The following USP1 variants were observed in gnomAD, a reference collection of about 807,000 sequenced individuals.
USP1 encodes the protein ubiquitin specific peptidase 1.
USP1 carries 18 observed loss-of-function variants against 72.2 expected under a neutral mutation model. The ratio of observed to expected loss-of-function variants is 0.25; its 90% CI spans 0.17 to 0.37. The LOEUF (loss-of-function observed/expected upper bound fraction) is 0.37. USP1 is among the 10% of genes least tolerant of loss of function. The probability of loss-of-function intolerance (pLI) is 1.00; values close to 1 mark genes in which losing one functional copy is unlikely to be tolerated. For missense variants in USP1, 759 were observed against 884.9 expected (o/e 0.86, Z 1.81); for synonymous variants, 354 against 303.7 (o/e 1.17, Z -1.72).
intron 8 of USP1, 65 bp downstream of exon 8, chr1:62,448,731 A>G (rs1205386313): frequency 1.3e-6 from 2 of 1,484,744 alleles, no homozygotes; most frequent in Non-Finnish European, 1.9e-6. Flanking sequence ...GTCTTGTTCA[A>G]AATGCTGTAA....
intron 4 of USP1, among the ~76,000 whole-genome samples, chr1:62,442,582 A>C (rs1246424910): frequency 2.0e-5 from 3 of 152,194 alleles, no homozygotes; most frequent in African/African-American, 7.2e-5. Flanking sequence ...TGTACAACTT[A>C]TTTACCCATT....
chr1:62,446,247 A>T (rs534177750), intron 6 of USP1, among the ~76,000 whole-genome samples: 1 of 152,316 alleles, frequency 6.6e-6, no homozygotes, highest in South Asian at 2.1e-4. Flanking sequence ...TATATGGTAT[A>T]GACCAGGGTA....
intron 2 of USP1, 46 bp downstream of exon 2, chr1:62,440,083 A>C (rs969016844): frequency 3.6e-6 from 5 of 1,373,200 alleles, no homozygotes; most frequent in Non-Finnish European, 4.7e-6. Flanking sequence ...ACAGTAAAGC[A>C]GCAGTGAACT....
At chr1:62,442,482 C>G (rs1191811089) in intron 4 of USP1, among the ~76,000 whole-genome samples, 183 bp downstream of exon 4, 1 of 152,026 alleles carries the variant, frequency 6.6e-6, no homozygotes, top group African/African-American at 2.4e-5. Flanking sequence ...TTCCCTTTTA[C>G]AATGTTTGCT....
intron 1 of USP1, among the ~76,000 whole-genome samples, chr1:62,439,337 A>G (rs1180939065): frequency 1.3e-5 from 2 of 152,150 alleles, no homozygotes; most frequent in Non-Finnish European, 2.9e-5. Context: ...GGCGCCCGCC[A>G]GCACGCCCGG....
At position 62,446,220 on chromosome 1, in the gene USP1, G is replaced by GTA. The variant is rs1557557007; in HGVS notation, c.1249+792_1249+793dup. Among the ~76,000 whole-genome samples, 37 of 152,128 alleles carry GTA rather than the reference G, an allele frequency of 2.4e-4. No homozygotes were observed. In the East Asian group the frequency reaches 6.8e-3, roughly 28 times the overall value. ...TACTTACACAACTAGATGCTAGAGC[G>GTA]TACTACACAACTAGCCTATATGGTA... On this transcript the variant is annotated intron_variant, in intron 6 of 8. Coordinates refer to ENST00000339950, the MANE Select transcript of USP1 (RefSeq NM_003368.5).
At chr1:62,439,175 T>C (rs1206490280) in intron 1 of USP1, among the ~76,000 whole-genome samples, 1 of 152,196 alleles carries the variant, frequency 6.6e-6, no homozygotes, top group Non-Finnish European at 1.5e-5. Context: ...TGAATCATTA[T>C]AATGAAATAT....
chr1:62,447,364 C>T lies in USP1; in HGVS notation c.1273C>T (p.Leu425=), dbSNP rs756288643. The T allele has an allele frequency of 1.2e-6, 2 of 1,613,500 alleles. No individual in the cohort carries two copies. The highest frequency in any genetic ancestry group is 1.7e-6 in the Non-Finnish European group (2 of 1,179,806). The change falls in exon 7 of 9, where the codon CTA becomes TTA. Residue 425 remains leucine (L), a synonymous_variant. Transcript: ENST00000339950. ...AGGTGAAGAACAAATTGGTTTTGAG[C>T]TAGTGGAGAAATTATTTCAAGGTCA... is the stretch of plus-strand genomic sequence containing the variant. ...NKGEEQIGFE[L]VEKLFQGQLV... is the part of the protein sequence containing the mutation.
At chr1:62,448,171 C>G (rs1400384320) in intron 7 of USP1, among the ~76,000 whole-genome samples, 4 of 152,160 alleles carry the variant, frequency 2.6e-5, no homozygotes, top group African/African-American at 9.7e-5. Flanking sequence ...AGGAAATAAT[C>G]ATGAGACAGG....
intron 8 of USP1, among the ~76,000 whole-genome samples, chr1:62,449,502 G>A (rs1645198826): frequency 6.6e-6 from 1 of 152,138 alleles, no homozygotes; most frequent in South Asian, 2.1e-4. Flanking sequence ...TCTCACACTT[G>A]ATTATGTCAA....
In USP1 at chr1:62,445,331, A is replaced by C. The variant is rs1032907786; in HGVS notation, c.1151A>C (p.Lys384Thr). 6.2e-7 allele frequency: 1 copy of C among 1,613,294 alleles called. No individual in the cohort carries two copies. The highest frequency in any genetic ancestry group is 8.5e-7 in the Non-Finnish European group (1 of 1,179,758). Residue 384 changes from lysine (K) to threonine (T), a missense_variant, in exon 6 of 9, where the codon AAG (lysine) becomes ACG (threonine). Coordinates refer to ENST00000339950, the MANE Select transcript of USP1 (RefSeq NM_003368.5). Reference sequence around the variant, plus strand: ...TGTGATCCTGAAGAGGACTTGGGGAAGTGTGAAAGTGATAACACAACTAAT... The same window carrying C: ...TGTGATCCTGAAGAGGACTTGGGGACGTGTGAAAGTGATAACACAACTAAT... ...NECDPEEDLG[K>T]CESDNTTNGC...
chr1:62,437,171 C>G lies in USP1; in HGVS notation c.-299C>G. 5.0e-6 allele frequency: 2 copies of G among 398,976 alleles called. No individual in the cohort carries two copies. Among genetic ancestry groups the G allele is most frequent in the Non-Finnish European group, 8.8e-6 (2 of 226,092 alleles). The allele number at this position is 398,976 out of a possible 1,614,324, so 24.7% of individuals were successfully genotyped here. A position where few individuals can be genotyped will look rare whatever the true frequency, so the allele number is the denominator to read the frequency against. On this transcript the variant is annotated 5_prime_UTR_variant, in exon 1 of 9. Transcript: ENST00000339950. The stretch of plus-strand genomic sequence containing the variant: ...TCCCGGGGCGGGCGCAGATGGGCGC[C>G]GCTCCCGGGATGTAGTTGGTGTTGG...
chr1:62,445,112 T>C lies in USP1; in HGVS notation c.932T>C (p.Leu311Ser). Residue 311 changes from leucine (L) to serine (S), a missense_variant, in exon 6 of 9, where the codon TTA becomes TCA. Coordinates refer to ENST00000339950, the MANE Select transcript of USP1 (RefSeq NM_003368.5). ...AAAAGAAAAGCTACAAGTGATACAT[T>C]AGAGAGTCCTCCTAAAATAATTCCC... ...RSKRKATSDT[L>S]ESPPKIIPKY... 1 of 1,613,440 alleles carries C rather than the reference T, an allele frequency of 6.2e-7. No individual in the cohort carries two copies. The highest frequency in any genetic ancestry group is 8.5e-7 in the Non-Finnish European group (1 of 1,179,870).
chr1:62,444,857 T>C lies in USP1; in HGVS notation c.677T>C (p.Val226Ala). The C allele has an allele frequency of 3.1e-6, 5 of 1,613,342 alleles. No homozygotes were observed. The South Asian group carries it at 5.5e-5, about 18-fold the overall frequency. Residue 226 changes from valine (V) to alanine (A), a missense_variant, in exon 6 of 9, where the codon GTG becomes GCG. Coordinates refer to ENST00000339950, the MANE Select transcript of USP1 (RefSeq NM_003368.5). Reference sequence around the variant, plus strand: ...CTAAAAAAAGAAGAAGTAAAAAATGTGGCAGAATTACCTACTAAGGTAGAA... The same window carrying C: ...CTAAAAAAAGAAGAAGTAAAAAATGCGGCAGAATTACCTACTAAGGTAGAA... ...QLLKKEEVKNVAELPTKVEEI... is the reference protein window; with the variant it reads ...QLLKKEEVKNAAELPTKVEEI...
chr1:62,446,395 T>A (rs1337950823), intron 6 of USP1, among the ~76,000 whole-genome samples: 1 of 152,132 alleles, frequency 6.6e-6, no homozygotes, highest in Admixed American at 6.5e-5. Flanking sequence ...AGTTTATGAA[T>A]TTGTTACGGG....
At chr1:62,446,343 C>CA (rs762792264) in intron 6 of USP1, among the ~76,000 whole-genome samples, 6,519 of 128,836 alleles carry the variant, frequency 0.051, 382 homozygotes, top group African/African-American at 0.14. Flanking sequence ...GCTGATGAGC[C>CA]AAAAAAAAAA....
In USP1 at chr1:62,450,057, ATT is replaced by A. The variant is rs534097124; in HGVS notation, c.1623-183_1623-182del. 6.6e-4 allele frequency among the ~76,000 whole-genome samples: 101 copies of A among 152,168 alleles called. 1 individual carries two copies. In the South Asian group the frequency reaches 0.02, roughly 30 times the overall value. ...AATGCCTGAATATTAGCAGTTATTTATTTTTTTGTTTCTGCATATATTATAAA... is the reference window on the plus strand; with the variant it reads ...AATGCCTGAATATTAGCAGTTATTTATTTTTGTTTCTGCATATATTATAAA... On this transcript the variant is annotated intron_variant, in intron 8 of 8. Transcript: ENST00000339950.
At position 62,450,237 on chromosome 1, in the gene USP1, C is replaced by T. The variant is rs766421735; in HGVS notation, c.1623-9C>T. 5.7e-6 allele frequency: 9 copies of T among 1,578,072 alleles called. No individual in the cohort carries two copies. Among genetic ancestry groups the T allele is most frequent in the Middle Eastern group, 1.7e-4 (1 of 5,834 alleles). On this transcript the variant is annotated splice_polypyrimidine_tract_variant and intron_variant, in intron 8 of 8. Transcript: ENST00000339950. The stretch of plus-strand genomic sequence containing the variant: ...CTGCAGGAAACCTTTTCTTTTTTTC[C>T]TCCCAAAGGTTTGATTGTTATGGTG...
At position 62,450,353 on chromosome 1, in the gene USP1, G is replaced by T; in HGVS notation, c.1730G>T (p.Gly577Val). The change falls in exon 9 of 9, where the codon GGA (glycine) becomes GTA (valine). Residue 577 changes from glycine to valine, a missense_variant. By Grantham distance (109) the Gly-to-Val change is moderately radical. Coordinates refer to ENST00000339950, the MANE Select transcript of USP1 (RefSeq NM_003368.5). ...ACAAAGCCAACTAACGACAGCTATG[G>T]ATTATTTGCGGTTGTGATGCATAGT... ...WSTKPTNDSYGLFAVVMHSGI... is the reference protein window; with the variant it reads ...WSTKPTNDSYVLFAVVMHSGI... 6.2e-7 allele frequency: 1 copy of T among 1,614,146 alleles called. No individual in the cohort carries two copies. The highest frequency in any genetic ancestry group is 1.3e-5 in the African/African-American group (1 of 75,044).
Sources: allele counts gnomAD v4.1 joint callset (sites outside exome capture counted in the v4.1 genomes callset), GRCh38; gene constraint gnomAD v4.1.1; transcripts MANE v1.5; gene names NCBI Gene and HGNC (gene_info 2026-07-23, HGNC 2026-07-21).